Variants in BOK observed in about 807,000 individuals in gnomAD.
The protein encoded by BOK is bcl-2-related ovarian killer protein.
A neutral mutation model predicts 18.3 loss-of-function variants in BOK; 20 were observed. That is an observed-to-expected ratio of 1.09 (90% CI 0.77 to 1.59). The LOEUF (loss-of-function observed/expected upper bound fraction) is 1.59, where lower values mean the gene tolerates loss of function less well. Among genes scored for constraint, BOK ranks in the 40% most tolerant of loss-of-function variants. The pLI, the probability that BOK is intolerant of heterozygous loss-of-function variation, is 0.00. For missense variants in BOK, 348 were observed against 307.9 expected (o/e 1.13, Z -0.97); for synonymous variants, 173 against 142.4 (o/e 1.21, Z -1.53).
At chr2:241,556,048 C>T, upstream of BOK, among the ~76,000 whole-genome samples, 1 of 152,168 alleles carries the variant, frequency 6.6e-6, no homozygotes, top group East Asian at 1.9e-4. Flanking sequence ...TCTGGCCATG[C>T]CCAGTCTTGC....
chr2:241,560,751 C>T (rs1309402340), intron 2 of BOK, among the ~76,000 whole-genome samples: 1 of 152,164 alleles, frequency 6.6e-6, no homozygotes, highest in Non-Finnish European at 1.5e-5. Context: ...CCTGCTGCTG[C>T]CTCTAGTCGG....
chr2:241,565,191 C>T (rs1001903418), intron 3 of BOK, among the ~76,000 whole-genome samples: 3 of 152,134 alleles, frequency 2.0e-5, no homozygotes, highest in Non-Finnish European at 2.9e-5. Context: ...ATCCCCCACC[C>T]CACCCAGCGC....
At chr2:241,561,028 GTGTT>G (rs1205083572) in intron 2 of BOK, among the ~76,000 whole-genome samples, 1 of 152,228 alleles carries the variant, frequency 6.6e-6, no homozygotes, top group African/African-American at 2.4e-5. Context: ...CCGGAGATCT[GTGTT>G]TGGGAGCTGC....
At chr2:241,555,822 C>T (rs1292938580), upstream of BOK, among the ~76,000 whole-genome samples, 1 of 152,190 alleles carries the variant, frequency 6.6e-6, no homozygotes, top group Non-Finnish European at 1.5e-5. Context: ...CATGTCAGAG[C>T]CCAGGAGACG....
intron 3 of BOK, among the ~76,000 whole-genome samples, chr2:241,568,873 TC>T: frequency 6.6e-6 from 1 of 152,258 alleles, no homozygotes; most frequent in East Asian, 1.9e-4. Context: ...TCATAACAAA[TC>T]CAGGTTGGCC....
At chr2:241,551,530 C>T (rs890143045) in intron 1 of BOK, 1 of 152,202 alleles carries the variant, frequency 6.6e-6, no homozygotes, top group African/African-American at 2.4e-5. Context: ...GGCCACGAGA[C>T]AGAAGGGGAA....
upstream of BOK, among the ~76,000 whole-genome samples, chr2:241,557,018 C>G (rs1205173111): frequency 6.6e-6 from 1 of 152,174 alleles, no homozygotes; most frequent in East Asian, 1.9e-4. Context: ...GTCCTCCATA[C>G]TATCTTTTTA....
intron 3 of BOK, among the ~76,000 whole-genome samples, chr2:241,566,537 ACTCCTGAC>A (rs2066619539): frequency 6.6e-6 from 1 of 151,892 alleles, no homozygotes; most frequent in South Asian, 2.1e-4. Flanking sequence ...CTGGTCTCGA[ACTCCTGAC>A]CTCAGGTGAT....
At chr2:241,555,931 C>T (rs13423154), upstream of BOK, among the ~76,000 whole-genome samples, 54,505 of 151,964 alleles carry the variant, frequency 0.36, 9,918 homozygotes, top group African/African-American at 0.37. Flanking sequence ...GGCTACACAG[C>T]GGGAAGGTTG....
chr2:241,553,951 A>G (rs1431245664), upstream of BOK, among the ~76,000 whole-genome samples: 1 of 152,236 alleles, frequency 6.6e-6, no homozygotes, highest in East Asian at 1.9e-4. Context: ...TGCTAGGGGT[A>G]GAGTCTCAGA....
intron 1 of BOK, among the ~76,000 whole-genome samples, chr2:241,551,706 C>T (rs6758757): frequency 1.1e-4 from 17 of 151,924 alleles, no homozygotes; most frequent in Admixed American, 1.0e-3. Context: ...AAACCCCCCA[C>T]GGGAGGTGGG....
chr2:241,554,869 G>A (rs1358108774), upstream of BOK, among the ~76,000 whole-genome samples: 1 of 152,182 alleles, frequency 6.6e-6, no homozygotes, highest in Non-Finnish European at 1.5e-5. Flanking sequence ...TGGTATCAGC[G>A]CTCAGAAGCC....
Position 241,562,512 on chromosome 2 carries a change from G to T in BOK, c.349+36G>T. On this transcript the variant is annotated intron_variant, in intron 3 of 4. Transcript: ENST00000318407. The surrounding 1 kb of genome is among the most constrained non-coding windows in gnomAD (Gnocchi z 4.5). Reference sequence around the variant, plus strand: ...CCTGCCCGTCCCATGGGACCTCAGGGAGGGATCCAGGGTCTGTGGCTCAGG... The same window carrying T: ...CCTGCCCGTCCCATGGGACCTCAGGTAGGGATCCAGGGTCTGTGGCTCAGG... 1 of 1,584,124 alleles carries T rather than the reference G, an allele frequency of 6.3e-7. No individual in the cohort carries two copies.
intron 2 of BOK, chr2:241,559,991 T>C (rs1218986440): frequency 1.2e-6 from 1 of 854,218 alleles, no homozygotes; most frequent in African/African-American, 1.8e-5. Flanking sequence ...TGGCTAAGCT[T>C]CCACAGTGAC....
At chr2:241,554,256 C>T (rs1230298220), upstream of BOK, among the ~76,000 whole-genome samples, 1 of 152,168 alleles carries the variant, frequency 6.6e-6, no homozygotes, top group Non-Finnish European at 1.5e-5. Flanking sequence ...GGGAGGCAAG[C>T]AGCCGTCACA....
At chr2:241,558,079 T>A (rs990819680), upstream of BOK, among the ~76,000 whole-genome samples, 513 of 35,202 alleles carry the variant, frequency 0.015, 3 homozygotes, top group African/African-American at 0.079. Context: ...ACACACACAC[T>A]CTTCAGCTGA....
rs2066634634 is a variant in BOK, at chr2:241,567,536, A to C, written c.350-2589A>C. On this transcript the variant is annotated intron_variant, in intron 3 of 4. Transcript: ENST00000318407. Reference sequence around the variant, plus strand: ...CCCCGCATGGCCGTGCCCTTGAAGGAGGAACAGCCCCACGTGCTGGGGAAG... The same window carrying C: ...CCCCGCATGGCCGTGCCCTTGAAGGCGGAACAGCCCCACGTGCTGGGGAAG... Among the ~76,000 whole-genome samples, 2 of 135,122 alleles carry C rather than the reference A, an allele frequency of 1.5e-5. 1 individual carries two copies. Among genetic ancestry groups the C allele is most frequent in the Admixed American group, 1.5e-4 (2 of 13,516 alleles). 88.6% of individuals were successfully genotyped at this position (135,122 alleles called of 152,430 possible).
chr2:241,556,636 GTATTAT>G (rs891669391), upstream of BOK, among the ~76,000 whole-genome samples: 7 of 151,510 alleles, frequency 4.6e-5, no homozygotes, highest in Non-Finnish European at 8.8e-5. Flanking sequence ...TAGGAGGTAG[GTATTAT>G]TATTCTTCCT....
At position 241,570,198 on chromosome 2, in the gene BOK, C is replaced by A. The variant is rs1249126570; in HGVS notation, c.423C>A (p.Ala141=). 5 of 1,607,124 alleles carry A rather than the reference C, an allele frequency of 3.1e-6. No individual in the cohort carries two copies. The highest frequency in any genetic ancestry group is 4.2e-6 in the Non-Finnish European group (5 of 1,178,134). The change falls in exon 4 of 5, where the codon GCC becomes GCA. Residue 141 remains alanine, a synonymous_variant. Coordinates refer to ENST00000318407, the MANE Select transcript of BOK (RefSeq NM_032515.5). ...TGGCCGTGGACTGTGTGAGGCAGGC[C>A]CAGCCTGCCATGGTCCACGCCCTCG... The part of the protein sequence containing the change: ...AGLAVDCVRQ[A]QPAMVHALVD...
Sources: gnomAD v4.1 joint callset for allele counts (sites outside exome capture counted in the v4.1 genomes callset) on GRCh38, gnomAD v4.1.1 for gene constraint, Gnocchi (gnomAD v3.1) non-coding constraint, MANE v1.5 for transcripts, NCBI Gene and HGNC (gene_info 2026-07-23, HGNC 2026-07-21) for gene names.